GNAI2: variants seen among roughly 807,000 people sequenced by gnomAD.
The protein encoded by GNAI2 is G protein subunit alpha i2.
In GNAI2, 4 loss-of-function variants were observed where a neutral mutation model predicts 36.8. That is an observed-to-expected ratio of 0.11 (90% confidence interval 0.05 to 0.25). The LOEUF is 0.25. Among genes scored for constraint, GNAI2 ranks in the 10% least tolerant of loss-of-function variants. The pLI is 1.00. For synonymous variants in GNAI2, 194 were observed against 194.1 expected (o/e 1.00, Z 0.01); for missense variants, 230 against 481.3 (o/e 0.48, Z 4.89).
intron 1 of GNAI2, among the ~76,000 whole-genome samples, chr3:50,243,695 C>T (rs909032459): frequency 6.6e-6 from 1 of 152,236 alleles, no homozygotes; most frequent in Non-Finnish European, 1.5e-5. Flanking sequence ...ACCCATTTCA[C>T]TGATGGACAA....
intron 1 of GNAI2, among the ~76,000 whole-genome samples, chr3:50,244,715 G>A (rs1575445264): frequency 6.6e-6 from 1 of 152,224 alleles, no homozygotes; most frequent in Non-Finnish European, 1.5e-5. Context: ...TCTCAGTGCT[G>A]TGGCCTAGTG....
At position 50,241,290 on chromosome 3, in the gene GNAI2, C is replaced by T. The variant is rs1363556686; in HGVS notation, c.118+4837C>T. Among the ~76,000 whole-genome samples the T allele has an allele frequency of 3.3e-5, 5 of 152,134 alleles. No homozygotes were observed. The highest frequency in any genetic ancestry group is 1.3e-4 in the Admixed American group (2 of 15,278). On this transcript the variant is annotated intron_variant, in intron 1 of 8. Transcript: ENST00000313601. This position sits in a 1 kb window ranked among gnomAD's most constrained non-coding sequence, Gnocchi z 5.0. ...AGCTCATTAGCACTTGAATGGGGGG[C>T]GGGGCGGCTTGGGCCTCTGAGTCTC...
rs980850531 is a variant in GNAI2 at position 50,242,849 on chromosome 3, C to T, written c.118+6396C>T. On this transcript the variant is annotated intron_variant, in intron 1 of 8. Transcript: ENST00000313601. The surrounding 1 kb of genome is among the most constrained non-coding windows in gnomAD (Gnocchi z 4.8). ...TATGGCTTGGAGGAATCTGGGGGCT[C>T]CAAGGCTGCTGACAGCCTCAGGATA... 8.5e-5 allele frequency among the ~76,000 whole-genome samples: 13 copies of T among 152,276 alleles called. No homozygotes were observed. Among genetic ancestry groups the T allele is most frequent in the African/African-American group, 2.6e-4 (11 of 41,552 alleles).
At position 50,256,182 on chromosome 3, in the gene GNAI2, C is replaced by A; in HGVS notation, c.465-10C>A. 6.7e-7 allele frequency: 1 copy of A among 1,491,924 alleles called. No individual in the cohort carries two copies. Among genetic ancestry groups the A allele is most frequent in the African/African-American group, 1.4e-5 (1 of 72,202 alleles). The allele number at this position is 1,491,924 out of a possible 1,614,324, so 92.4% of individuals were successfully genotyped here. The stretch of plus-strand genomic sequence containing the variant: ...TGGCCCCCACTGACCCTCCCACCCC[C>A]CATCCCCAGCTACCTGAACGACCTG... On this transcript the variant is annotated splice_polypyrimidine_tract_variant and intron_variant, in intron 4 of 8. Transcript: ENST00000313601.
intron 1 of GNAI2, among the ~76,000 whole-genome samples, chr3:50,245,226 G>C (rs1171156077): frequency 6.6e-6 from 1 of 152,120 alleles, no homozygotes; most frequent in African/African-American, 2.4e-5. Flanking sequence ...TCGAACTCCT[G>C]ACCTCAGGTG....
chr3:50,246,958 C>A, intron 1 of GNAI2: 1 of 1,505,486 alleles, frequency 6.6e-7, no homozygotes, highest in South Asian at 1.3e-5. Context: ...AGCTCTGAAT[C>A]AGCCTGTTAG....
intron 1 of GNAI2, among the ~76,000 whole-genome samples, chr3:50,237,234 G>C (rs1700194729): frequency 6.6e-6 from 1 of 152,246 alleles, no homozygotes; most frequent in African/African-American, 2.4e-5. Flanking sequence ...GCCTTATGCA[G>C]AACCCCCACG....
intron 1 of GNAI2, among the ~76,000 whole-genome samples, chr3:50,246,267 C>T (rs587637184): frequency 6.6e-6 from 1 of 152,278 alleles, no homozygotes; most frequent in Non-Finnish European, 1.5e-5. Flanking sequence ...GACACCTTCC[C>T]CAGTCGCCCC....
In GNAI2 at chr3:50,253,094, C is replaced by T. The variant is rs782675157; in HGVS notation, c.374C>T (p.Ser125Phe). The T allele has an allele frequency of 1.9e-6, 3 of 1,613,310 alleles. No homozygotes were observed. The highest frequency in any genetic ancestry group is 1.1e-5 in the South Asian group (1 of 91,068). Residue 125 changes from serine to phenylalanine, a missense_variant, in exon 4 of 9, where the codon TCC (serine) becomes TTC (phenylalanine). Ser to Phe is a radical substitution (Grantham distance 155). Around this residue, in one of 4 missense-constraint regions of GNAI2, gnomAD observed 132 missense variants for 247.4 expected, o/e 0.53. Coordinates refer to ENST00000313601, the MANE Select transcript of GNAI2 (RefSeq NM_002070.4). The surrounding 1 kb of genome is among the most constrained non-coding windows in gnomAD (Gnocchi z 4.2). ...CAAGGCGTGCTCCCTGATGACCTGT[C>T]CGGCGTCATCCGGAGGCTCTGGGCT... ...EEQGVLPDDL[S>F]GVIRRLWADH...
rs1159485177 is a variant in GNAI2, at chr3:50,251,957, C to G, written c.119-143C>G. The G allele has an allele frequency of 1.1e-5, 10 of 922,740 alleles. No homozygotes were observed. The African/African-American group carries it at 1.2e-4, about 11-fold the overall frequency. 57.2% of individuals were successfully genotyped at this position (922,740 alleles called of 1,614,324 possible). A position where few individuals can be genotyped will look rare whatever the true frequency, so the allele number is the denominator to read the frequency against. On this transcript the variant is annotated intron_variant, in intron 1 of 8. Coordinates refer to ENST00000313601, the MANE Select transcript of GNAI2 (RefSeq NM_002070.4). ...GCATTCCTGGTAGCTCAACTGCCCA[C>G]CAGGCCCAGCTGCCTCCATCTCACG... is the stretch of plus-strand genomic sequence containing the variant.
chr3:50,256,566 C>A, intron 5 of GNAI2, 157 bp from the exon 6 acceptor site: 2 of 835,202 alleles, frequency 2.4e-6, no homozygotes, highest in Non-Finnish European at 3.9e-6. Context: ...AAGCTCCTGG[C>A]CCAGAACCAG....
chr3:50,236,368 G>C lies in GNAI2; in HGVS notation c.33G>C (p.Ala11=), dbSNP rs1413417240. MGCTVSAEDK[A]AAERSKMIDK... is the part of the protein sequence containing the mutation. ...GCACCGTGAGCGCCGAGGACAAGGC[G>C]GCGGCCGAGCGCTCTAAGATGATCG... The change falls in exon 1 of 9, where the codon GCG becomes GCC. Residue 11 remains alanine (A), a synonymous_variant. Coordinates refer to ENST00000313601, the MANE Select transcript of GNAI2 (RefSeq NM_002070.4). This position sits in a 1 kb window ranked among gnomAD's most constrained non-coding sequence, Gnocchi z 4.0. 7 of 1,542,856 alleles carry C rather than the reference G, an allele frequency of 4.5e-6. No homozygotes were observed. Among genetic ancestry groups the C allele is most frequent in the African/African-American group, 1.4e-5 (1 of 69,638 alleles).
chr3:50,231,341 C>T (rs1296204121), upstream of GNAI2, among the ~76,000 whole-genome samples: 1 of 152,204 alleles, frequency 6.6e-6, no homozygotes, highest in Non-Finnish European at 1.5e-5. Context: ...GGCAATGGTG[C>T]GATCTCAGCT....
chr3:50,233,043 G>A (rs75632157), upstream of GNAI2, among the ~76,000 whole-genome samples: 1 of 151,900 alleles, frequency 6.6e-6, no homozygotes, highest in Non-Finnish European at 1.5e-5. Flanking sequence ...AGTCAGGCTG[G>A]AGAGGACCTT....
chr3:50,233,079 G>C (rs1468511412), upstream of GNAI2, among the ~76,000 whole-genome samples: 1 of 151,970 alleles, frequency 6.6e-6, no homozygotes, highest in Non-Finnish European at 1.5e-5. Context: ...CCCAGAGTGG[G>C]AGGTGTATGA....
chr3:50,241,082 G>A lies in GNAI2; in HGVS notation c.118+4629G>A, dbSNP rs1461414030. ...GGCAGCTGTTCACAGCAAGTGGGGAGCCCAAGGCGTGCAGATAGTTGGTGC... is the reference window on the plus strand; with the variant it reads ...GGCAGCTGTTCACAGCAAGTGGGGAACCCAAGGCGTGCAGATAGTTGGTGC... On this transcript the variant is annotated intron_variant, in intron 1 of 8. Transcript: ENST00000313601. This position sits in a 1 kb window ranked among gnomAD's most constrained non-coding sequence, Gnocchi z 5.0. 6.6e-6 allele frequency among the ~76,000 whole-genome samples: 1 copy of A among 152,154 alleles called. No homozygotes were observed. Among genetic ancestry groups the A allele is most frequent in the African/African-American group, 2.4e-5 (1 of 41,428 alleles).
chr3:50,228,289 C>T (rs1700012714), upstream of GNAI2, among the ~76,000 whole-genome samples: 1 of 152,222 alleles, frequency 6.6e-6, no homozygotes, highest in Admixed American at 6.5e-5. Flanking sequence ...CGGTAGCTCA[C>T]GCCTGTAATC....
intron 8 of GNAI2, 186 bp downstream of exon 8, chr3:50,257,900 TGGA>T: frequency 2.0e-6 from 1 of 506,448 alleles, no homozygotes; most frequent in Non-Finnish European, 3.5e-6. Context: ...GTGCAGGGCA[TGGA>T]GGAGGTCATA....
chr3:50,228,327 G>A (rs968200442), upstream of GNAI2, among the ~76,000 whole-genome samples: 11 of 152,162 alleles, frequency 7.2e-5, no homozygotes, highest in African/African-American at 2.4e-5. Flanking sequence ...CGAGGTGGGC[G>A]GATCACCTGA....
Sources: gnomAD v4.1 joint callset for allele counts (sites outside exome capture counted in the v4.1 genomes callset) on GRCh38, gnomAD v4.1.1 for gene constraint, gnomAD v4.1.1 regional missense constraint, Gnocchi (gnomAD v3.1) non-coding constraint, MANE v1.5 for transcripts, NCBI Gene and HGNC (gene_info 2026-07-23, HGNC 2026-07-21) for gene names.